Variants in CECR2 observed in about 807,000 individuals in gnomAD.
CECR2 encodes the protein CECR2 histone acetyl-lysine reader.
CECR2 carries 30 observed loss-of-function variants against 154.5 expected under a neutral mutation model. The ratio of observed to expected loss-of-function variants is 0.19; its 90% CI spans 0.15 to 0.26. CECR2 has a LOEUF of 0.26. CECR2 is among the 10% of genes least tolerant of loss of function. The pLI, the probability that CECR2 is intolerant of heterozygous loss-of-function variation, is 1.00. For synonymous variants in CECR2, 725 were observed against 683.7 expected, an observed-to-expected ratio of 1.06 and a Z score of -0.94; for missense variants, 1,743 against 1,829.3, an observed-to-expected ratio of 0.95 and a Z score of 0.86.
intron 9 of CECR2, among the ~76,000 whole-genome samples, chr22:17,532,874 C>T (rs953745334): frequency 5.3e-5 from 8 of 151,274 alleles, no homozygotes; most frequent in South Asian, 2.1e-4. Context: ...TGTGCCACCA[C>T]GCCTGGCAAT....
intron 1 of CECR2, among the ~76,000 whole-genome samples, chr22:17,475,918 C>CT (rs1444148117): frequency 6.6e-6 from 1 of 151,926 alleles, no homozygotes; most frequent in Non-Finnish European, 1.5e-5. Flanking sequence ...CCCTCTACCA[C>CT]TAGAATTCCT....
chr22:17,378,274 C>T (rs1461852226), intron 1 of CECR2, among the ~76,000 whole-genome samples: 4 of 147,832 alleles, frequency 2.7e-5, no homozygotes, highest in African/African-American at 7.6e-5. Flanking sequence ...TGAGCCACCG[C>T]GCTGGGCTGT....
intron 1 of CECR2, among the ~76,000 whole-genome samples, chr22:17,468,334 G>A (rs995874365): frequency 6.6e-6 from 1 of 152,140 alleles, no homozygotes; most frequent in Non-Finnish European, 1.5e-5. Flanking sequence ...TTGCTCTGTT[G>A]TGATTGTGTT....
At chr22:17,362,988 C>A (rs1315921838) in intron 1 of CECR2, among the ~76,000 whole-genome samples, 2 of 151,030 alleles carry the variant, frequency 1.3e-5, no homozygotes, top group Non-Finnish European at 1.5e-5. Context: ...CTTTTGATAA[C>A]CCTGGTCTCC....
At chr22:17,382,579 T>C (rs1442384534) in intron 1 of CECR2, among the ~76,000 whole-genome samples, 6 of 152,190 alleles carry the variant, frequency 3.9e-5, no homozygotes, top group African/African-American at 9.7e-5. Context: ...AGTAGCATTA[T>C]GTCTTAAAAA....
intron 2 of CECR2, among the ~76,000 whole-genome samples, chr22:17,482,759 TC>T (rs2055349239): frequency 1.8e-5 from 2 of 114,256 alleles, no homozygotes; most frequent in African/African-American, 3.4e-5. Context: ...GGTTTTGAAC[TC>T]CTTTTTTTTT....
At chr22:17,504,712 A>G (rs2055804976) in intron 6 of CECR2, 135 bp from the exon 7 acceptor site, 2 of 663,542 alleles carry the variant, frequency 3.0e-6, no homozygotes, top group Non-Finnish European at 2.5e-6. Context: ...AAGTGCTGGG[A>G]TTACAGGCTT....
chr22:17,421,614 CAAAAAAAAAAA>C (rs34156323), intron 1 of CECR2, among the ~76,000 whole-genome samples: 3 of 23,362 alleles, frequency 1.3e-4, no homozygotes, highest in South Asian at 3.5e-3. Context: ...GACTCCGTCT[CAAAAAAAAAAA>C]AAAAAAAAAA....
intron 9 of CECR2, among the ~76,000 whole-genome samples, chr22:17,532,298 T>C (rs555903048): frequency 6.6e-6 from 1 of 152,338 alleles, no homozygotes; most frequent in South Asian, 2.1e-4. Flanking sequence ...TCCTGGAAGT[T>C]AGAAATCCAA....
At chr22:17,552,275 T>C in intron 18 of CECR2, 133 bp downstream of exon 18, 1 of 734,798 alleles carries the variant, frequency 1.4e-6, no homozygotes, top group Non-Finnish European at 2.2e-6. Context: ...GTATCGTGCT[T>C]CCTTGGCACT....
intron 1 of CECR2, among the ~76,000 whole-genome samples, chr22:17,415,187 TTTTC>T (rs1319526991): frequency 2.0e-5 from 3 of 152,102 alleles, no homozygotes; most frequent in South Asian, 2.1e-4. Context: ...AGTTATTGAC[TTTTC>T]TTTATTTTTT....
At chr22:17,505,183 T>G (rs1389399144) in intron 7 of CECR2, among the ~76,000 whole-genome samples, 167 bp downstream of exon 7, 1 of 152,084 alleles carries the variant, frequency 6.6e-6, no homozygotes, top group African/African-American at 2.4e-5. Flanking sequence ...CCACCCCCTC[T>G]CCTTCACTGT....
At chr22:17,409,550 TAA>T (rs1410032590) in intron 1 of CECR2, among the ~76,000 whole-genome samples, 2,680 of 112,574 alleles carry the variant, frequency 0.024, 723 homozygotes, top group African/African-American at 0.076. Flanking sequence ...GTAAGTTTTA[TAA>T]AGAGAGTAAC....
rs768839952 is a variant in CECR2 at position 17,497,441 on chromosome 22, A to C, written c.260A>C (p.Asn87Thr). Residue 87 changes from asparagine to threonine, a missense_variant, in exon 3 of 19, where the codon AAC (asparagine) becomes ACC (threonine). By Grantham distance (65) the Asn-to-Thr change is moderately conservative. This residue lies in a region of CECR2 where 98 missense variants were observed against 169.3 expected (regional missense o/e 0.58). Coordinates refer to ENST00000262608, the MANE Select transcript of CECR2 (RefSeq NM_001290047.2). ...TFHSYLEDII[N>T]YRWELEEGKP... Reference sequence around the variant, plus strand: ...CACAGCTACCTAGAGGACATCATCAACTACCGCTGGGAGCTCGAAGAAGGG... The same window carrying C: ...CACAGCTACCTAGAGGACATCATCACCTACCGCTGGGAGCTCGAAGAAGGG... The C allele has an allele frequency of 6.2e-7, 1 of 1,613,930 alleles. No individual in the cohort carries two copies. The highest frequency in any genetic ancestry group is 8.5e-7 in the Non-Finnish European group (1 of 1,179,864).
At chr22:17,509,854 C>T (rs983072734) in intron 7 of CECR2, among the ~76,000 whole-genome samples, 1 of 152,180 alleles carries the variant, frequency 6.6e-6, no homozygotes, top group East Asian at 1.9e-4. Context: ...GTTAATCCTT[C>T]TCTGTCCGCC....
At chr22:17,536,018 G>A (rs1191934901) in intron 9 of CECR2, among the ~76,000 whole-genome samples, 2 of 152,162 alleles carry the variant, frequency 1.3e-5, no homozygotes, top group Non-Finnish European at 2.9e-5. Context: ...GGAGGCTGAG[G>A]TGGGCAGTTC....
rs376102698 is a variant in CECR2 at position 17,381,383 on chromosome 22, C to T, written c.126+11474C>T. On this transcript the variant is annotated intron_variant, in intron 1 of 18. Transcript: ENST00000262608. ...GTAACTCTAGACTTTTTTTTTAACACGGAACACTTCACGACTCTGCGTGTC... is the reference window on the plus strand; with the variant it reads ...GTAACTCTAGACTTTTTTTTTAACATGGAACACTTCACGACTCTGCGTGTC... Among the ~76,000 whole-genome samples, 13 of 152,004 alleles carry T rather than the reference C, an allele frequency of 8.6e-5. No individual in the cohort carries two copies. The East Asian group carries it at 9.7e-4, about 11-fold the overall frequency.
chr22:17,552,787 T>TTTTTTTTTTTTTTTTTTTTA, intron 18 of CECR2, 48 bp from the exon 19 acceptor site: 3 of 1,391,196 alleles, frequency 2.2e-6, no homozygotes, highest in Non-Finnish European at 2.9e-6. Context: ...TTTTTTTTTT[T>TTTTTTTTTTTTTTTTTTTTA]AACAACCCAA....
intron 2 of CECR2, among the ~76,000 whole-genome samples, chr22:17,491,122 G>T (rs1418948901): frequency 6.6e-6 from 1 of 152,062 alleles, no homozygotes; most frequent in Non-Finnish European, 1.5e-5. Context: ...TCAGTTCATG[G>T]GTATGTACGC....
Sources: gnomAD v4.1 joint callset for allele counts (sites outside exome capture counted in the v4.1 genomes callset) on GRCh38, gnomAD v4.1.1 for gene constraint, gnomAD v4.1.1 regional missense constraint, MANE v1.5 for transcripts, NCBI Gene and HGNC (gene_info 2026-07-23, HGNC 2026-07-21) for gene names.